Variants in LTBP2 observed in about 807,000 individuals in gnomAD.
LTBP2 encodes latent transforming growth factor beta binding protein 2.
Under a neutral mutation model 210.6 loss-of-function variants are expected in LTBP2, and 103 were observed. That is an observed-to-expected ratio of 0.49 (90% CI 0.42 to 0.58). The LOEUF is 0.58. Among genes scored for constraint, LTBP2 ranks in the 20% least tolerant of loss-of-function variants. The pLI, the probability that LTBP2 is intolerant of heterozygous loss-of-function variation, is 0.00. For missense variants in LTBP2, 2,313 were observed against 2,494.5 expected (o/e 0.93, Z 1.55); for synonymous variants, 1,007 against 1,015.0 (o/e 0.99, Z 0.15).
chr14:74,506,261 C>T lies in LTBP2; in HGVS notation c.4034-70G>A, dbSNP rs144405830. The stretch of plus-strand genomic sequence containing the variant: ...CGTGCCCCCTGCCCCTGACTACAGC[C>T]CACTGCCCCCAAAAGAAGCAGGCTA... On this transcript the variant is annotated intron_variant, in intron 27 of 35. Coordinates refer to ENST00000261978, the MANE Select transcript of LTBP2 (RefSeq NM_000428.3). 1.9e-4 allele frequency: 308 copies of T among 1,602,230 alleles called. 2 individuals are homozygous for T. The African/African-American group carries it at 3.7e-3, about 19-fold the overall frequency.
rs1195101733 is a variant in LTBP2, at chr14:74,588,558, C to G, written c.566-2440G>C. 2.6e-5 allele frequency among the ~76,000 whole-genome samples: 4 copies of G among 152,164 alleles called. No individual in the cohort carries two copies. The East Asian group carries it at 7.7e-4, about 29-fold the overall frequency. On this transcript the variant is annotated intron_variant, in intron 2 of 35. Coordinates refer to ENST00000261978, the MANE Select transcript of LTBP2 (RefSeq NM_000428.3). The stretch of plus-strand genomic sequence containing the variant: ...TTTTTTATGCATGTGTCTCAATTTC[C>G]TGACTCATATAGTCAGCCCCTTGAA...
chr14:74,568,877 CA>C (rs2087937101), intron 3 of LTBP2, among the ~76,000 whole-genome samples: 1 of 152,160 alleles, frequency 6.6e-6, no homozygotes, highest in Non-Finnish European at 1.5e-5. Context: ...CTATGAACCT[CA>C]TGCTTGAAAA....
intron 8 of LTBP2, among the ~76,000 whole-genome samples, chr14:74,543,606 T>C (rs1334585345): frequency 7.6e-6 from 1 of 132,232 alleles, no homozygotes; most frequent in Non-Finnish European, 1.6e-5. Context: ...GCTGGCCCAC[T>C]GTCCCTCACT....
chr14:74,576,599 G>A (rs866073719), intron 3 of LTBP2, among the ~76,000 whole-genome samples: 1 of 151,832 alleles, frequency 6.6e-6, no homozygotes, highest in Admixed American at 6.6e-5. Context: ...GCCAGGTCTG[G>A]GGTCACCACA....
chr14:74,503,444 C>T (rs2086941088), intron 32 of LTBP2, 25 bp downstream of exon 32: 2 of 1,609,094 alleles, frequency 1.2e-6, no homozygotes, highest in African/African-American at 1.3e-5. Context: ...CCTTCTCCTG[C>T]TCCCCCACGC....
chr14:74,526,241 A>C, intron 13 of LTBP2, 127 bp from the exon 14 acceptor site: 1 of 919,804 alleles, frequency 1.1e-6, no homozygotes, highest in Non-Finnish European at 1.7e-6. Flanking sequence ...CATTCATTCC[A>C]GGTATTGATG....
At chr14:74,601,732 G>A (rs2088450413) in intron 2 of LTBP2, among the ~76,000 whole-genome samples, 1 of 152,208 alleles carries the variant, frequency 6.6e-6, no homozygotes, top group African/African-American at 2.4e-5. Flanking sequence ...CCCATCAAGT[G>A]GGGTGTTAGG....
At position 74,522,017 on chromosome 14, in the gene LTBP2, G is replaced by T. The variant is rs1207069486; in HGVS notation, c.2682C>A (p.Asp894Glu). 1 of 1,613,634 alleles carries T rather than the reference G, an allele frequency of 6.2e-7. No individual in the cohort carries two copies. The highest frequency in any genetic ancestry group is 1.7e-5 in the Admixed American group (1 of 59,942). ...YCTDDNECLR[D>E]PCKGKGRCIN... is the part of the protein sequence containing the mutation. ...TGCAGCGCCCTTTTCCCTTGCAGGG[G>T]TCCCTCAGACACTCGTTGTCATCTG... The change falls in exon 17 of 36, where the codon GAC becomes GAA. Residue 894 changes from aspartate (D) to glutamate (E), a missense_variant. By Grantham distance (45) the Asp-to-Glu change is conservative. Transcript: ENST00000261978.
intron 1 of LTBP2, among the ~76,000 whole-genome samples, chr14:74,607,832 G>A (rs2088547819): frequency 6.6e-6 from 1 of 151,138 alleles, no homozygotes; most frequent in African/African-American, 2.4e-5. Context: ...GAGGGAAGGA[G>A]GCAAATTTAT....
At chr14:74,572,721 C>T (rs2088001169) in intron 3 of LTBP2, among the ~76,000 whole-genome samples, 1 of 152,044 alleles carries the variant, frequency 6.6e-6, no homozygotes, top group African/African-American at 2.4e-5. Flanking sequence ...ATGTTCTCTC[C>T]ACAGCTTCCA....
At position 74,500,967 on chromosome 14, in the gene LTBP2, T is replaced by C; in HGVS notation, c.5383A>G (p.Asn1795Asp). The change falls in exon 36 of 36, where the codon AAC becomes GAC. Residue 1795 changes from asparagine to aspartate, a missense_variant. Asn to Asp is a conservative substitution (Grantham distance 23, BLOSUM62 1). Transcript: ENST00000261978. ...TGGCAGCGGTAGGAGCCCTCTGTGTTCTCGCAGTAACCATGGACACAGAGC... is the reference window on the plus strand; with the variant it reads ...TGGCAGCGGTAGGAGCCCTCTGTGTCCTCGCAGTAACCATGGACACAGAGC... ...AVLCVHGYCENTEGSYRCHCS... is the reference protein window; with the variant it reads ...AVLCVHGYCEDTEGSYRCHCS... 2.5e-6 allele frequency: 4 copies of C among 1,614,098 alleles called. No individual in the cohort carries two copies. Among genetic ancestry groups the C allele is most frequent in the Non-Finnish European group, 3.4e-6 (4 of 1,180,010 alleles).
intron 7 of LTBP2, among the ~76,000 whole-genome samples, chr14:74,550,322 G>A (rs561623960): frequency 4.1e-4 from 63 of 152,280 alleles, no homozygotes; most frequent in African/African-American, 1.5e-3. Context: ...CCCACAGAGT[G>A]GGCCTTGTGA....
intron 3 of LTBP2, among the ~76,000 whole-genome samples, chr14:74,555,912 T>A (rs2087723220): frequency 6.6e-6 from 1 of 152,214 alleles, no homozygotes; most frequent in Non-Finnish European, 1.5e-5. Flanking sequence ...AACCCCTATG[T>A]GGAATCACCA....
chr14:74,513,349 A>G (rs1424013789), intron 18 of LTBP2, among the ~76,000 whole-genome samples: 2 of 152,246 alleles, frequency 1.3e-5, no homozygotes, highest in Non-Finnish European at 2.9e-5. Context: ...TATGATACGG[A>G]TAATTTATGG....
intron 30 of LTBP2, among the ~76,000 whole-genome samples, chr14:74,504,441 G>A (rs746027457): frequency 2.0e-5 from 3 of 152,234 alleles, no homozygotes; most frequent in Admixed American, 6.5e-5. Flanking sequence ...CCAGGGAGAT[G>A]AGCGCAGCCT....
At chr14:74,592,109 TG>T (rs1383088126) in intron 2 of LTBP2, among the ~76,000 whole-genome samples, 4 of 152,222 alleles carry the variant, frequency 2.6e-5, no homozygotes, top group Non-Finnish European at 5.9e-5. Context: ...TGTGTCCTTT[TG>T]TTTAAAGGAG....
intron 3 of LTBP2, among the ~76,000 whole-genome samples, chr14:74,569,008 TC>T (rs1325171724): frequency 1.3e-5 from 2 of 152,142 alleles, no homozygotes; most frequent in African/African-American, 2.4e-5. Flanking sequence ...GATGCTCCCC[TC>T]CTTGTCTCCT....
chr14:74,507,868 A>G (rs1399777504), intron 25 of LTBP2, 105 bp downstream of exon 25: 62 of 1,496,980 alleles, frequency 4.1e-5, no homozygotes, highest in Admixed American at 2.5e-4. Context: ...TTTGTTGGAC[A>G]CTTCATCTGT....
intron 3 of LTBP2, among the ~76,000 whole-genome samples, chr14:74,578,995 A>G (rs1173762840): frequency 6.6e-6 from 1 of 152,208 alleles, no homozygotes; most frequent in Non-Finnish European, 1.5e-5. Flanking sequence ...AGCTGGGATT[A>G]CAGGCGCCTG....
Sources: gnomAD v4.1 joint callset for allele counts (sites outside exome capture counted in the v4.1 genomes callset) on GRCh38, gnomAD v4.1.1 for gene constraint, MANE v1.5 for transcripts, NCBI Gene and HGNC (gene_info 2026-07-23, HGNC 2026-07-21) for gene names.